SLCO1B1: variants seen among roughly 807,000 people sequenced by gnomAD.
SLCO1B1 encodes the protein OATP-2.
In SLCO1B1, 81 loss-of-function variants were observed where a neutral mutation model predicts 70.1. The observed-to-expected ratio is 1.16, with a 90% CI of 0.97 to 1.39. SLCO1B1 has a LOEUF of 1.39. Ranked by LOEUF, SLCO1B1 falls within the 40% of genes most tolerant of loss-of-function variation. SLCO1B1 has a pLI of 0.00. For synonymous variants in SLCO1B1, 283 were observed against 271.5 expected (o/e 1.04, Z -0.42); for missense variants, 895 against 799.6 (o/e 1.12, Z -1.44).
chr12:21,140,427 A>G (rs1324430661), intron 1 of SLCO1B1, among the ~76,000 whole-genome samples: 1 of 152,054 alleles, frequency 6.6e-6, no homozygotes, highest in African/African-American at 2.4e-5. Context: ...AAGTTAACTC[A>G]TTTTACTAGT....
Position 21,239,197 on chromosome 12 carries a change from A to C in SLCO1B1, c.*8A>C. On this transcript the variant is annotated 3_prime_UTR_variant, in exon 15 of 15. Transcript: ENST00000256958. ...AGTGAAACACATTGTTAAGGGGAGA[A>C]AAAAAGCCACTTCTGCTTCTGTGTT... 6.3e-7 allele frequency: 1 copy of C among 1,589,076 alleles called. No individual in the cohort carries two copies. Among genetic ancestry groups the C allele is most frequent in the Admixed American group, 1.7e-5 (1 of 59,980 alleles).
chr12:21,204,512 T>G (rs1296428193), intron 10 of SLCO1B1, among the ~76,000 whole-genome samples: 1 of 151,012 alleles, frequency 6.6e-6, no homozygotes, highest in African/African-American at 2.4e-5. Context: ...GAACCAATTT[T>G]TTTTCCAAAA....
intron 12 of SLCO1B1, among the ~76,000 whole-genome samples, chr12:21,219,533 G>A (rs186884251): frequency 6.0e-4 from 92 of 152,298 alleles, no homozygotes; most frequent in Admixed American, 1.2e-3. Context: ...GGGGATTTAA[G>A]CATTAGTATT....
intron 2 of SLCO1B1, among the ~76,000 whole-genome samples, chr12:21,172,149 C>T (rs1940762004): frequency 6.6e-6 from 1 of 152,070 alleles, no homozygotes; most frequent in East Asian, 1.9e-4. Context: ...ACAAATAAAA[C>T]ATCTATAACC....
chr12:21,176,638 G>A, intron 4 of SLCO1B1, 138 bp from the exon 5 acceptor site: 2 of 671,590 alleles, frequency 3.0e-6, no homozygotes, highest in African/African-American at 1.8e-5. Flanking sequence ...AACACATGCT[G>A]GGAAATTGAC....
intron 2 of SLCO1B1, among the ~76,000 whole-genome samples, chr12:21,163,407 G>A (rs1347847031): frequency 1.3e-5 from 2 of 152,044 alleles, no homozygotes; most frequent in African/African-American, 4.8e-5. Context: ...TCATAAGTGG[G>A]TAATTTTGAA....
chr12:21,209,605 C>G (rs940347044), intron 11 of SLCO1B1, among the ~76,000 whole-genome samples: 1 of 152,102 alleles, frequency 6.6e-6, no homozygotes, highest in Non-Finnish European at 1.5e-5. Flanking sequence ...AATGGTATTT[C>G]CAGTTCTAGA....
At position 21,209,152 on chromosome 12, in the gene SLCO1B1, A is replaced by C. The variant is rs1198876135; in HGVS notation, c.1497+3119A>C. Among the ~76,000 whole-genome samples, 10 of 151,964 alleles carry C rather than the reference A, an allele frequency of 6.6e-5. No homozygotes were observed. In the East Asian group the frequency reaches 1.4e-3, roughly 21 times the overall value. ...ATACATGTGCCATGCTGGTGCACTG[A>C]ACCCACTAACTCGTCATCTAGCATT... is the stretch of plus-strand genomic sequence containing the variant. On this transcript the variant is annotated intron_variant, in intron 11 of 14. Coordinates refer to ENST00000256958, the MANE Select transcript of SLCO1B1 (RefSeq NM_006446.5).
chr12:21,212,127 G>T (rs1941294535), intron 11 of SLCO1B1, among the ~76,000 whole-genome samples: 1 of 134,632 alleles, frequency 7.4e-6, no homozygotes, highest in African/African-American at 2.8e-5. Context: ...GTTTGCTCTT[G>T]CTTTTCTAGT....
chr12:21,137,406 T>C (rs897690502), intron 1 of SLCO1B1, among the ~76,000 whole-genome samples: 2 of 152,144 alleles, frequency 1.3e-5, no homozygotes, highest in African/African-American at 4.8e-5. Flanking sequence ...TGTCTTTTTG[T>C]TTGTCTGTGC....
At chr12:21,147,745 A>G in intron 2 of SLCO1B1, among the ~76,000 whole-genome samples, 1 of 152,162 alleles carries the variant, frequency 6.6e-6, no homozygotes, top group East Asian at 1.9e-4. Context: ...ATAAACATAC[A>G]TGTGCATGTG....
intron 14 of SLCO1B1, among the ~76,000 whole-genome samples, chr12:21,226,502 A>T (rs1941483759): frequency 6.6e-6 from 1 of 152,148 alleles, no homozygotes; most frequent in Non-Finnish European, 1.5e-5. Flanking sequence ...AAAAGGGCCA[A>T]ACTATGAAGA....
Position 21,239,662 on chromosome 12 carries a change from A to G in SLCO1B1, c.*473A>G, listed in dbSNP as rs1194636735. On this transcript the variant is annotated 3_prime_UTR_variant, in exon 15 of 15. Transcript: ENST00000256958. ...AAGTCTAGCTTGGATATATGCTACA[A>G]TAATATCTGTTACTCACATAAAATT... 6.6e-6 allele frequency among the ~76,000 whole-genome samples: 1 copy of G among 152,204 alleles called. No individual in the cohort carries two copies. The highest frequency in any genetic ancestry group is 1.9e-4 in the East Asian group (1 of 5,204).
At chr12:21,188,030 G>C (rs1245844258) in intron 7 of SLCO1B1, among the ~76,000 whole-genome samples, 1 of 152,152 alleles carries the variant, frequency 6.6e-6, no homozygotes, top group Non-Finnish European at 1.5e-5. Flanking sequence ...ACTGTTTTTG[G>C]CTTCTTTTAT....
chr12:21,134,567 T>C (rs1201189112), intron 1 of SLCO1B1, among the ~76,000 whole-genome samples: 1 of 152,196 alleles, frequency 6.6e-6, no homozygotes, highest in African/African-American at 2.4e-5. Flanking sequence ...CTTGGGAGGA[T>C]GTATGTGTCA....
intron 2 of SLCO1B1, among the ~76,000 whole-genome samples, chr12:21,163,504 C>T (rs894148488): frequency 3.3e-5 from 5 of 152,138 alleles, no homozygotes; most frequent in Non-Finnish European, 1.5e-5. Context: ...ATTGCAAACT[C>T]TGTCTTCTTG....
intron 11 of SLCO1B1, among the ~76,000 whole-genome samples, chr12:21,215,404 T>C (rs1411558367): frequency 6.6e-6 from 1 of 152,240 alleles, no homozygotes; most frequent in Non-Finnish European, 1.5e-5. Context: ...GTGGATTTTA[T>C]TGAAAGCTTT....
intron 8 of SLCO1B1, among the ~76,000 whole-genome samples, chr12:21,197,507 A>T (rs1021249651): frequency 3.3e-5 from 5 of 152,110 alleles, no homozygotes; most frequent in African/African-American, 1.2e-4. Flanking sequence ...AGTTCAAAGA[A>T]TTATAATATT....
intron 2 of SLCO1B1, among the ~76,000 whole-genome samples, chr12:21,154,042 A>T (rs1488054721): frequency 6.6e-6 from 1 of 151,526 alleles, no homozygotes. Flanking sequence ...GTATCTATTG[A>T]TATAGTTAGA....
Sources: gnomAD v4.1 joint callset for allele counts (sites outside exome capture counted in the v4.1 genomes callset) on GRCh38, gnomAD v4.1.1 for gene constraint, MANE v1.5 for transcripts, NCBI Gene and HGNC (gene_info 2026-07-23, HGNC 2026-07-21) for gene names.